The following CNTN5 variants were observed in gnomAD, a reference collection of about 807,000 sequenced individuals.
CNTN5 encodes the protein contactin-5.
Under a neutral mutation model 129.1 loss-of-function variants are expected in CNTN5, and 77 were observed. That is an observed-to-expected ratio of 0.60 (90% confidence interval 0.50 to 0.72). CNTN5 has a LOEUF of 0.72. CNTN5 is among the 30% of genes least tolerant of loss of function. CNTN5 has a pLI of 0.00. For synonymous variants in CNTN5, 509 were observed against 465.6 expected, an observed-to-expected ratio of 1.09 and a Z score of -1.20; for missense variants, 1,478 against 1,328.8, an observed-to-expected ratio of 1.11 and a Z score of -1.75.
chr11:100,117,915 T>G (rs566526540), intron 13 of CNTN5, among the ~76,000 whole-genome samples: 2 of 151,986 alleles, frequency 1.3e-5, no homozygotes, highest in Admixed American at 1.3e-4. Flanking sequence ...GTCTCATTAG[T>G]TTACATAGGA....
At chr11:99,699,424 T>A (rs2134856251) in intron 3 of CNTN5, among the ~76,000 whole-genome samples, 1 of 151,658 alleles carries the variant, frequency 6.6e-6, no homozygotes, top group East Asian at 1.9e-4. Context: ...AACACACATA[T>A]CTCAAATTTC....
chr11:99,915,882 T>A (rs1295612193), intron 6 of CNTN5, among the ~76,000 whole-genome samples, 172 bp from the exon 7 acceptor site: 1 of 152,132 alleles, frequency 6.6e-6, no homozygotes, highest in East Asian at 1.9e-4. Flanking sequence ...TTATTTCCAT[T>A]GTGGTATTTA....
intron 8 of CNTN5, among the ~76,000 whole-genome samples, chr11:99,984,932 G>T (rs1312090404): frequency 6.6e-6 from 1 of 151,392 alleles, no homozygotes; most frequent in East Asian, 1.9e-4. Context: ...GAGCATGTGA[G>T]TAAGTGAGTG....
intron 15 of CNTN5, among the ~76,000 whole-genome samples, chr11:100,206,806 T>C (rs1038301422): frequency 1.3e-5 from 2 of 152,078 alleles, no homozygotes; most frequent in African/African-American, 4.8e-5. Flanking sequence ...AGGGATTATA[T>C]CTATTTTGCC....
intron 15 of CNTN5, among the ~76,000 whole-genome samples, chr11:100,197,797 A>G (rs1480106641): frequency 1.3e-5 from 2 of 152,010 alleles, no homozygotes; most frequent in African/African-American, 4.8e-5. Flanking sequence ...ACAGAAAAAT[A>G]TCTCACGCAT....
intron 2 of CNTN5, among the ~76,000 whole-genome samples, chr11:99,534,432 T>G (rs1327492031): frequency 2.0e-5 from 3 of 152,180 alleles, no homozygotes; most frequent in African/African-American, 7.2e-5. Flanking sequence ...AGAAAAGGAC[T>G]TTACGTAGCT....
intron 2 of CNTN5, among the ~76,000 whole-genome samples, chr11:99,441,878 G>A (rs900754126): frequency 1.3e-5 from 2 of 152,026 alleles, no homozygotes; most frequent in Non-Finnish European, 2.9e-5. Context: ...GACTCCATGC[G>A]TTTCCATCAG....
intron 8 of CNTN5, among the ~76,000 whole-genome samples, chr11:99,981,946 C>G (rs991686078): frequency 6.6e-6 from 1 of 152,116 alleles, no homozygotes; most frequent in African/African-American, 2.4e-5. Context: ...TGCAGTCATA[C>G]AACTTTACTA....
chr11:99,438,465 G>A (rs1229686371), intron 2 of CNTN5, among the ~76,000 whole-genome samples: 3 of 151,674 alleles, frequency 2.0e-5, no homozygotes, highest in Admixed American at 6.6e-5. Context: ...CACAATTTTA[G>A]GTCACCTAAA....
intron 1 of CNTN5, among the ~76,000 whole-genome samples, chr11:99,240,642 C>A (rs970967488): frequency 6.6e-6 from 1 of 152,198 alleles, no homozygotes; most frequent in South Asian, 2.1e-4. Flanking sequence ...GATCCCTAAA[C>A]CTTTTTAGAA....
intron 7 of CNTN5, among the ~76,000 whole-genome samples, chr11:99,941,176 T>C (rs1335417379): frequency 6.6e-6 from 1 of 152,050 alleles, no homozygotes; most frequent in Non-Finnish European, 1.5e-5. Context: ...CTATACAATT[T>C]AGCTAGAATA....
At chr11:99,399,837 C>CT (rs536751453) in intron 2 of CNTN5, among the ~76,000 whole-genome samples, 1 of 151,250 alleles carries the variant, frequency 6.6e-6, no homozygotes, top group Non-Finnish European at 1.5e-5. Context: ...ATTTCTTTGG[C>CT]TTTTTTTCTA....
chr11:100,143,372 G>A lies in CNTN5; in HGVS notation c.1581-47754G>A, dbSNP rs561489943. Reference sequence around the variant, plus strand: ...CTGAAAACTGTAAATGCCAGTCCCTGAGTAGGAGGTAGGATCTTCCTACTA... The same window carrying A: ...CTGAAAACTGTAAATGCCAGTCCCTAAGTAGGAGGTAGGATCTTCCTACTA... On this transcript the variant is annotated intron_variant, in intron 13 of 24. Coordinates refer to ENST00000524871, the MANE Select transcript of CNTN5 (RefSeq NM_014361.4). 2.6e-5 allele frequency among the ~76,000 whole-genome samples: 4 copies of A among 152,256 alleles called. No individual in the cohort carries two copies. The South Asian group carries it at 8.3e-4, about 32-fold the overall frequency.
intron 8 of CNTN5, among the ~76,000 whole-genome samples, chr11:99,999,247 A>G (rs12279201): frequency 0.069 from 10,565 of 152,254 alleles, 676 homozygotes; most frequent in African/African-American, 0.16. Flanking sequence ...AAATTTTCAC[A>G]ACCTACTCAT....
At position 99,841,818 on chromosome 11, in the gene CNTN5, A is replaced by ATG. The variant is rs1410535918; in HGVS notation, c.278-3028_278-3027dup. On this transcript the variant is annotated intron_variant, in intron 4 of 24. Coordinates refer to ENST00000524871, the MANE Select transcript of CNTN5 (RefSeq NM_014361.4). ...ATATATATGTGGTGTGTGTGTATAT[A>ATG]TGTGTGTATATATATATACACACAC... 7.0e-5 allele frequency among the ~76,000 whole-genome samples: 10 copies of ATG among 143,610 alleles called. No homozygotes were observed. The East Asian group carries it at 2.0e-3, about 29-fold the overall frequency. 94.2% of individuals were successfully genotyped at this position (143,610 alleles called of 152,430 possible).
intron 3 of CNTN5, among the ~76,000 whole-genome samples, chr11:99,572,317 G>C (rs1949200494): frequency 1.3e-5 from 2 of 152,188 alleles, no homozygotes; most frequent in Non-Finnish European, 2.9e-5. Flanking sequence ...ATCGTATTAT[G>C]TTTTAAGAAA....
intron 2 of CNTN5, among the ~76,000 whole-genome samples, chr11:99,372,292 A>G (rs557579190): frequency 6.3e-4 from 96 of 152,334 alleles, no homozygotes; most frequent in African/African-American, 2.3e-3. Flanking sequence ...GATCACCGTT[A>G]CATCATTATT....
intron 3 of CNTN5, among the ~76,000 whole-genome samples, chr11:99,772,191 T>C (rs1247127082): frequency 6.6e-6 from 1 of 151,728 alleles, no homozygotes; most frequent in Non-Finnish European, 1.5e-5. Flanking sequence ...GCTAAGACAC[T>C]GTTTTAGTCA....
At chr11:100,301,904 G>C (rs527283206) in intron 20 of CNTN5, among the ~76,000 whole-genome samples, 1 of 151,616 alleles carries the variant, frequency 6.6e-6, no homozygotes, top group Admixed American at 6.6e-5. Context: ...TGGAGCAGTG[G>C]CTTATGCCTA....
Sources: allele counts gnomAD v4.1 joint callset (sites outside exome capture counted in the v4.1 genomes callset), GRCh38; gene constraint gnomAD v4.1.1; transcripts MANE v1.5; gene names NCBI Gene and HGNC (gene_info 2026-07-23, HGNC 2026-07-21).